Variants in CEP112 observed in about 807,000 individuals in gnomAD.
CEP112 encodes the protein centrosomal protein of 112 kDa.
CEP112 carries 127 observed loss-of-function variants against 153.0 expected under a neutral mutation model. The observed-to-expected ratio is 0.83, with a 90% CI of 0.72 to 0.96. The LOEUF is 0.96. Among genes scored for constraint, CEP112 ranks in the 40% least tolerant of loss-of-function variants. The probability of loss-of-function intolerance (pLI) is 0.00; values close to 1 mark genes in which losing one functional copy is unlikely to be tolerated. For missense variants in CEP112, 1,089 were observed against 1,101.2 expected, an observed-to-expected ratio of 0.99 and a Z score of 0.16; for synonymous variants, 358 against 374.4, an observed-to-expected ratio of 0.96 and a Z score of 0.51.
intron 21 of CEP112, among the ~76,000 whole-genome samples, chr17:65,773,564 G>T (rs563968375): frequency 2.6e-5 from 4 of 152,146 alleles, no homozygotes; most frequent in East Asian, 1.9e-4. Context: ...ATAAAGATGG[G>T]TTTTTTTAAG....
intron 22 of CEP112, among the ~76,000 whole-genome samples, chr17:65,748,687 G>A (rs1351432917): frequency 6.6e-6 from 1 of 152,172 alleles, no homozygotes; most frequent in Non-Finnish European, 1.5e-5. Flanking sequence ...TGACAAATGA[G>A]GAAATTGAAT....
At chr17:65,915,327 A>G (rs1362996389) in intron 19 of CEP112, among the ~76,000 whole-genome samples, 1 of 152,028 alleles carries the variant, frequency 6.6e-6, no homozygotes, top group Non-Finnish European at 1.5e-5. Context: ...TGCAAAATAG[A>G]TCCCAAATCT....
chr17:66,002,281 G>A lies in CEP112; in HGVS notation c.1736+3409C>T, dbSNP rs190791086. ...CCTTTGTCTTTGATACAATTACTGT[G>A]TCAGAATAAAGCCACTCAACTTTTC... On this transcript the variant is annotated intron_variant, in intron 17 of 26. Transcript: ENST00000535342. Among the ~76,000 whole-genome samples, 21 of 152,216 alleles carry A rather than the reference G, an allele frequency of 1.4e-4. No individual in the cohort carries two copies. The East Asian group carries it at 3.5e-3, about 25-fold the overall frequency.
At chr17:66,110,927 G>A (rs2069009857) in intron 6 of CEP112, among the ~76,000 whole-genome samples, 1 of 152,142 alleles carries the variant, frequency 6.6e-6, no homozygotes, top group African/African-American at 2.4e-5. Context: ...AGAGTAAACA[G>A]ACAACCTACA....
At chr17:66,031,497 T>TTGTTTTG (rs1555776190) in intron 12 of CEP112, among the ~76,000 whole-genome samples, 13 of 148,182 alleles carry the variant, frequency 8.8e-5, no homozygotes, top group South Asian at 2.1e-4. Context: ...TTTTTTTTTT[T>TTGTTTTG]TTTTGAGACA....
At chr17:66,008,431 G>A (rs1249777240) in intron 16 of CEP112, among the ~76,000 whole-genome samples, 1 of 152,026 alleles carries the variant, frequency 6.6e-6, no homozygotes, top group African/African-American at 2.4e-5. Flanking sequence ...GTAGCTCACT[G>A]TAACCTCAAA....
intron 4 of CEP112, among the ~76,000 whole-genome samples, chr17:66,150,199 C>CCT (rs2071141916): frequency 1.5e-5 from 2 of 129,704 alleles, no homozygotes; most frequent in African/African-American, 2.9e-5. Flanking sequence ...CGCGCCCGGC[C>CCT]TTTTTTTTTT....
chr17:65,688,301 C>T (rs915688429), intron 24 of CEP112: 4 of 152,218 alleles, frequency 2.6e-5, no homozygotes, highest in African/African-American at 9.7e-5. Flanking sequence ...CTGTTGGCTG[C>T]ATACTCAACA....
chr17:66,150,510 C>T (rs772368593), intron 4 of CEP112, among the ~76,000 whole-genome samples: 3 of 152,192 alleles, frequency 2.0e-5, no homozygotes, highest in African/African-American at 7.2e-5. Flanking sequence ...GGATTATAGG[C>T]GTGAGCCATC....
chr17:65,868,393 G>A (rs1222267071), intron 20 of CEP112, among the ~76,000 whole-genome samples: 9 of 151,832 alleles, frequency 5.9e-5, no homozygotes, highest in Non-Finnish European at 1.3e-4. Context: ...CCAGGTACTC[G>A]AGAGGCTGAG....
chr17:65,749,134 T>C (rs2051650582), intron 22 of CEP112, among the ~76,000 whole-genome samples: 2 of 152,228 alleles, frequency 1.3e-5, no homozygotes, highest in Admixed American at 6.5e-5. Flanking sequence ...GACATAATCA[T>C]CATTTCTTAC....
chr17:65,761,719 G>A (rs889392729), intron 21 of CEP112, among the ~76,000 whole-genome samples: 1 of 151,958 alleles, frequency 6.6e-6, no homozygotes, highest in African/African-American at 2.4e-5. Context: ...TCTTTCTGTT[G>A]ATTTCTAGTT....
chr17:65,648,896 C>G (rs2045583946), intron 24 of CEP112, among the ~76,000 whole-genome samples: 1 of 151,958 alleles, frequency 6.6e-6, no homozygotes, highest in South Asian at 2.1e-4. Flanking sequence ...ACTAAAAATA[C>G]AAAAATTAGC....
At chr17:65,708,015 C>G (rs1323617565) in intron 23 of CEP112, among the ~76,000 whole-genome samples, 1 of 152,178 alleles carries the variant, frequency 6.6e-6, no homozygotes, top group Non-Finnish European at 1.5e-5. Flanking sequence ...TCATCTAAGG[C>G]TTTCCTTTGC....
At chr17:65,797,028 C>T (rs1040093060) in intron 21 of CEP112, 6 of 151,604 alleles carry the variant, frequency 4.0e-5, no homozygotes, top group Admixed American at 2.6e-4. Flanking sequence ...GCACACCAGC[C>T]TGAGTGATGG....
chr17:65,958,285 G>A (rs995968864), intron 18 of CEP112, among the ~76,000 whole-genome samples: 1 of 152,060 alleles, frequency 6.6e-6, no homozygotes, highest in Admixed American at 6.5e-5. Flanking sequence ...GTTTTTGTAA[G>A]CAAAAAACTC....
rs759139451 is a variant in CEP112 at position 66,175,074 on chromosome 17, G to T, written c.440C>A (p.Thr147Asn). 1 of 1,612,040 alleles carries T rather than the reference G, an allele frequency of 6.2e-7. No homozygotes were observed. Among genetic ancestry groups the T allele is most frequent in the South Asian group, 1.1e-5 (1 of 90,736 alleles). ...GACATCAGTTGGCGACTGTACTAAA[G>T]TGTTATCTTCTCCAGAAGAGAGTTT... ...SWKLSSGEDN[T>N]LVQSPTDVYS... is the part of the protein sequence containing the mutation. The change falls in exon 4 of 27, where the codon ACT becomes AAT. Residue 147 changes from threonine to asparagine, a missense_variant. Coordinates refer to ENST00000535342, the MANE Select transcript of CEP112 (RefSeq NM_001199165.4).
At chr17:66,126,898 T>C (rs1212845061) in intron 6 of CEP112, among the ~76,000 whole-genome samples, 1 of 152,206 alleles carries the variant, frequency 6.6e-6, no homozygotes, top group Non-Finnish European at 1.5e-5. Flanking sequence ...TGGCTACTAA[T>C]GGATCACTCA....
chr17:65,805,600 G>C (rs1218061686), intron 21 of CEP112, among the ~76,000 whole-genome samples: 1 of 152,192 alleles, frequency 6.6e-6, no homozygotes, highest in African/African-American at 2.4e-5. Flanking sequence ...AAAATGGTAA[G>C]CTTTGGCACA....
Sources: gnomAD v4.1 joint callset for allele counts (sites outside exome capture counted in the v4.1 genomes callset) on GRCh38, gnomAD v4.1.1 for gene constraint, MANE v1.5 for transcripts, NCBI Gene and HGNC (gene_info 2026-07-23, HGNC 2026-07-21) for gene names.